Variants in TMEM184B observed in about 807,000 individuals in gnomAD.
TMEM184B encodes the protein putative MAPK-activating protein FM08.
In TMEM184B, 17 loss-of-function variants were observed where a neutral mutation model predicts 41.8. That is an observed-to-expected ratio of 0.41 (90% CI 0.28 to 0.61). The LOEUF is 0.61. TMEM184B is among the 20% of genes least tolerant of loss of function. The pLI is 0.34. For synonymous variants in TMEM184B, 240 were observed against 229.5 expected (o/e 1.05, Z -0.41); for missense variants, 393 against 557.8 (o/e 0.70, Z 2.98).
chr22:38,239,121 C>T lies in TMEM184B; in HGVS notation c.358+6814G>A, dbSNP rs1351119037. Among the ~76,000 whole-genome samples the T allele has an allele frequency of 1.3e-5, 2 of 152,184 alleles. No individual in the cohort carries two copies. The highest frequency in any genetic ancestry group is 2.1e-4 in the South Asian group (1 of 4,834). ...AGTTGTCTTTATGGCCCACCCCCAA[C>T]CCCACAATCAAACACTGAATGCATA... On this transcript the variant is annotated intron_variant, in intron 3 of 8. Coordinates refer to ENST00000361906, the MANE Select transcript of TMEM184B (RefSeq NM_012264.5). The surrounding 1 kb of genome is among the most constrained non-coding windows in gnomAD (Gnocchi z 4.6).
In TMEM184B at chr22:38,224,934, A is replaced by G. The variant is rs1373940264; in HGVS notation, c.833T>C (p.Ile278Thr). Reference protein sequence around the residue: ...ILEKCGAIPKIHSARVSVGEG... With the variant: ...ILEKCGAIPKTHSARVSVGEG... ...GCCCACCGACACGCGGGCCGAGTGG[A>G]TTTTGGGGATGGCCCCACACTTCTC... The change falls in exon 8 of 9, where the codon ATC (isoleucine) becomes ACC (threonine). Residue 278 changes from isoleucine to threonine, a missense_variant. Ile to Thr is a moderately conservative substitution (Grantham distance 89, BLOSUM62 -1). Coordinates refer to ENST00000361906, the MANE Select transcript of TMEM184B (RefSeq NM_012264.5). The G allele has an allele frequency of 6.2e-7, 1 of 1,604,060 alleles. No homozygotes were observed.
At chr22:38,222,514 C>G (rs1310450509) in intron 8 of TMEM184B, 40 of 871,966 alleles carry the variant, frequency 4.6e-5, no homozygotes, top group Non-Finnish European at 5.2e-5. Flanking sequence ...GCTCTGGGCG[C>G]TCCCACCCAG....
chr22:38,235,466 G>A (rs1412595967), intron 3 of TMEM184B, among the ~76,000 whole-genome samples: 2 of 152,162 alleles, frequency 1.3e-5, no homozygotes, highest in African/African-American at 2.4e-5. Context: ...CTCCGTAACC[G>A]GCTCTGCACA....
At chr22:38,251,676 T>C (rs1204284460) in intron 1 of TMEM184B, among the ~76,000 whole-genome samples, 1 of 152,196 alleles carries the variant, frequency 6.6e-6, no homozygotes, top group Non-Finnish European at 1.5e-5. Context: ...ACCGGGAAGC[T>C]GCCTGCCCAG....
Position 38,219,626 on chromosome 22 carries a change from T to C in TMEM184B, c.*1843A>G, listed in dbSNP as rs1341252186. 19 of 985,036 alleles carry C rather than the reference T, an allele frequency of 1.9e-5. No individual in the cohort carries two copies. The highest frequency in any genetic ancestry group is 2.3e-5 in the Non-Finnish European group (19 of 829,910). The allele number at this position is 985,036 out of a possible 1,614,324, so 61.0% of individuals were successfully genotyped here. ...CCGTCCCCACGACCCCACGGACCGC[T>C]GATTCCCTGCCACTGAGCTCCCCCC... On this transcript the variant is annotated 3_prime_UTR_variant, in exon 9 of 9. Coordinates refer to ENST00000361906, the MANE Select transcript of TMEM184B (RefSeq NM_012264.5).
chr22:38,257,806 G>T (rs2092307248), intron 1 of TMEM184B, among the ~76,000 whole-genome samples: 2 of 152,140 alleles, frequency 1.3e-5, no homozygotes, highest in Admixed American at 1.3e-4. Flanking sequence ...TTTTGTTCTG[G>T]TTTCTTTTTT....
Position 38,221,556 on chromosome 22 carries a change from GCCA to G in TMEM184B, c.1134_1136del (p.Gly379del). On this transcript the variant is annotated inframe_deletion, in exon 9 of 9. Transcript: ENST00000361906. Reference sequence around the variant, plus strand: ...TGTGGGAGCGGGAGAGGCCGTGGGCGCCACCACGCCAGGTGGGCCCAGGCTCCA... The same window carrying G: ...TGTGGGAGCGGGAGAGGCCGTGGGCGCCACGCCAGGTGGGCCCAGGCTCCA... 1 of 1,613,958 alleles carries G rather than the reference GCCA, an allele frequency of 6.2e-7. No homozygotes were observed. The highest frequency in any genetic ancestry group is 8.5e-7 in the Non-Finnish European group (1 of 1,179,964).
chr22:38,253,928 C>T (rs73409206), intron 1 of TMEM184B, among the ~76,000 whole-genome samples: 4 of 152,112 alleles, frequency 2.6e-5, no homozygotes, highest in South Asian at 2.1e-4. Flanking sequence ...GGGCCAGGCG[C>T]GGTGGTTCAC....
At chr22:38,232,442 A>G (rs2091658769) in intron 3 of TMEM184B, among the ~76,000 whole-genome samples, 1 of 152,192 alleles carries the variant, frequency 6.6e-6, no homozygotes, top group South Asian at 2.1e-4. Context: ...AGGCAAATGG[A>G]CATGCCAGGA....
rs1220626502 is a variant in TMEM184B, at chr22:38,239,767, C to T, written c.358+6168G>A. Among the ~76,000 whole-genome samples the T allele has an allele frequency of 5.9e-5, 9 of 152,160 alleles. No individual in the cohort carries two copies. The highest frequency in any genetic ancestry group is 8.8e-5 in the Non-Finnish European group (6 of 68,030). On this transcript the variant is annotated intron_variant, in intron 3 of 8. Coordinates refer to ENST00000361906, the MANE Select transcript of TMEM184B (RefSeq NM_012264.5). This position sits in a 1 kb window ranked among gnomAD's most constrained non-coding sequence, Gnocchi z 4.6. ...GAGAGGTCCTCTCAGATCTCTGCCACGCTGTACCAGTCACTCAGCCTGTGC... is the reference window on the plus strand; with the variant it reads ...GAGAGGTCCTCTCAGATCTCTGCCATGCTGTACCAGTCACTCAGCCTGTGC...
chr22:38,242,487 A>T (rs929772042), intron 3 of TMEM184B, among the ~76,000 whole-genome samples: 2 of 152,238 alleles, frequency 1.3e-5, no homozygotes, highest in Non-Finnish European at 2.9e-5. Context: ...CTAAAAAAAA[A>T]AGAAAAAAAG....
chr22:38,249,126 C>T (rs570304829), intron 1 of TMEM184B, among the ~76,000 whole-genome samples: 1 of 152,180 alleles, frequency 6.6e-6, no homozygotes, highest in African/African-American at 2.4e-5. Flanking sequence ...GATCTCACAC[C>T]CCCAGCCCAC....
intron 1 of TMEM184B, among the ~76,000 whole-genome samples, chr22:38,270,647 C>A (rs1220850781): frequency 2.0e-5 from 3 of 152,188 alleles, no homozygotes; most frequent in African/African-American, 7.2e-5. Context: ...GCAGACCCCA[C>A]ACAGAGCTCT....
intron 1 of TMEM184B, among the ~76,000 whole-genome samples, chr22:38,251,229 CTTA>C (rs2092155945): frequency 6.6e-6 from 1 of 152,224 alleles, no homozygotes; most frequent in Non-Finnish European, 1.5e-5. Flanking sequence ...TCATAAACAA[CTTA>C]TTTTACTCTT....
chr22:38,267,999 C>T (rs781545100), intron 1 of TMEM184B, among the ~76,000 whole-genome samples: 5 of 152,154 alleles, frequency 3.3e-5, no homozygotes, highest in South Asian at 2.1e-4. Flanking sequence ...CCTGGGTGTC[C>T]GCCTAATTCC....
At chr22:38,272,855 T>C in intron 1 of TMEM184B, 29 bp downstream of exon 1, 2 of 961,812 alleles carry the variant, frequency 2.1e-6, no homozygotes, top group Non-Finnish European at 2.5e-6. Flanking sequence ...CCCTTGGGGC[T>C]CCCGGGCGAG....
chr22:38,254,702 T>G (rs2092243611), intron 1 of TMEM184B, among the ~76,000 whole-genome samples: 1 of 152,072 alleles, frequency 6.6e-6, no homozygotes, highest in Non-Finnish European at 1.5e-5. Context: ...CATACCTGGG[T>G]ACCAAAAAAT....
chr22:38,243,963 G>C (rs1397382364), intron 3 of TMEM184B, among the ~76,000 whole-genome samples: 1 of 152,078 alleles, frequency 6.6e-6, no homozygotes, highest in Non-Finnish European at 1.5e-5. Flanking sequence ...GAGAGTGGCG[G>C]GGAACAGACG....
At chr22:38,221,976 G>A in intron 8 of TMEM184B, 1 of 536,592 alleles carries the variant, frequency 1.9e-6, no homozygotes, top group Admixed American at 3.3e-5. Flanking sequence ...CTGGCTGCAG[G>A]GAAGGGACCC....
Sources: gnomAD v4.1 joint callset for allele counts (sites outside exome capture counted in the v4.1 genomes callset) on GRCh38, gnomAD v4.1.1 for gene constraint, Gnocchi (gnomAD v3.1) non-coding constraint, MANE v1.5 for transcripts, NCBI Gene and HGNC (gene_info 2026-07-23, HGNC 2026-07-21) for gene names.